The following HRH1 variants were observed in gnomAD, a reference collection of about 807,000 sequenced individuals.
The protein encoded by HRH1 is histamine receptor H1.
Under a neutral mutation model 10.3 loss-of-function variants are expected in HRH1, and 6 were observed. The observed-to-expected ratio is 0.58, with a 90% CI of 0.32 to 1.15. The LOEUF (loss-of-function observed/expected upper bound fraction) is 1.15, where lower values mean the gene tolerates loss of function less well. HRH1 is among the 50% of genes most tolerant of loss of function. HRH1 has a pLI of 0.05. For synonymous variants in HRH1, 242 were observed against 236.7 expected (o/e 1.02, Z -0.21); for missense variants, 514 against 615.3 (o/e 0.84, Z 1.74).
intron 1 of HRH1, among the ~76,000 whole-genome samples, chr3:11,235,721 G>A (rs888316679): frequency 6.6e-6 from 1 of 152,368 alleles, no homozygotes; most frequent in South Asian, 2.1e-4. Context: ...TGACAAGGGT[G>A]GAAGTCTTGG....
At chr3:11,167,120 AGGCCCGT>A (rs1937058398) in intron 1 of HRH1, among the ~76,000 whole-genome samples, 6 of 144,602 alleles carry the variant, frequency 4.1e-5, no homozygotes, top group African/African-American at 1.3e-4. Flanking sequence ...TGGATTCCCC[AGGCCCGT>A]GACATCTGCT....
chr3:11,196,828 G>C (rs565584421), intron 1 of HRH1, among the ~76,000 whole-genome samples: 52 of 151,860 alleles, frequency 3.4e-4, no homozygotes, highest in Admixed American at 3.9e-4. Flanking sequence ...GCAGAATCTC[G>C]TCCGGGCACG....
In HRH1 at chr3:11,167,749, T is replaced by G. The variant is rs143249205; in HGVS notation, c.-36+13195T>G. 1.1e-4 allele frequency among the ~76,000 whole-genome samples: 17 copies of G among 152,384 alleles called. No individual in the cohort carries two copies. In the East Asian group the frequency reaches 3.1e-3, roughly 28 times the overall value. On this transcript the variant is annotated intron_variant, in intron 1 of 1. Transcript: ENST00000431010. ...GCTGTAGGCTGCCCTGTAAATAGCC[T>G]GTGAATGATTGTGTTTGGGCAAGTG...
intron 1 of HRH1, among the ~76,000 whole-genome samples, chr3:11,241,338 C>T (rs965542842): frequency 6.6e-6 from 1 of 152,208 alleles, no homozygotes; most frequent in Non-Finnish European, 1.5e-5. Context: ...TGCTGGTGCT[C>T]TGTAATGATT....
intron 1 of HRH1, among the ~76,000 whole-genome samples, chr3:11,140,636 C>T (rs530891884): frequency 6.6e-6 from 1 of 152,242 alleles, no homozygotes; most frequent in South Asian, 2.1e-4. Flanking sequence ...TCAGAGGAGC[C>T]CTGCCTACCT....
At chr3:11,258,943 T>C (rs892614628) in intron 1 of HRH1, 60 bp from the exon 2 acceptor site, 1 of 1,204,224 alleles carries the variant, frequency 8.3e-7, no homozygotes, top group Non-Finnish European at 1.2e-6. Flanking sequence ...AACATCATGC[T>C]ACTAAGTGGC....
chr3:11,143,165 A>G (rs950519701), intron 1 of HRH1, among the ~76,000 whole-genome samples: 2 of 152,018 alleles, frequency 1.3e-5, no homozygotes, highest in African/African-American at 2.4e-5. Flanking sequence ...AGTTGCTTCT[A>G]AGTGGGGTGT....
chr3:11,155,992 C>A (rs567720447), intron 1 of HRH1, among the ~76,000 whole-genome samples: 1 of 152,248 alleles, frequency 6.6e-6, no homozygotes, highest in African/African-American at 2.4e-5. Flanking sequence ...GGTTTGAACA[C>A]CCATGTTGCC....
At chr3:11,203,697 G>C (rs184560569) in intron 1 of HRH1, among the ~76,000 whole-genome samples, 14 of 152,262 alleles carry the variant, frequency 9.2e-5, no homozygotes, top group African/African-American at 3.4e-4. Flanking sequence ...TCTGGATTCT[G>C]TTCCATTACT....
At chr3:11,233,896 G>A (rs78980419) in intron 1 of HRH1, among the ~76,000 whole-genome samples, 4,705 of 152,242 alleles carry the variant, frequency 0.031, 258 homozygotes, top group African/African-American at 0.1. Flanking sequence ...CTACTAAAAG[G>A]AATATAATGA....
intron 1 of HRH1, among the ~76,000 whole-genome samples, chr3:11,188,390 C>G (rs1263279813): frequency 6.6e-6 from 1 of 152,118 alleles, no homozygotes. Flanking sequence ...TCTCTTGAAG[C>G]CTGGAGTTCG....
At chr3:11,216,151 A>G (rs1938485586) in intron 1 of HRH1, among the ~76,000 whole-genome samples, 1 of 152,158 alleles carries the variant, frequency 6.6e-6, no homozygotes, top group Admixed American at 6.5e-5. Context: ...GGAAATGAAC[A>G]TTAAAAGAGC....
chr3:11,236,980 CTT>C (rs1340057243), intron 1 of HRH1, among the ~76,000 whole-genome samples: 2 of 151,724 alleles, frequency 1.3e-5, no homozygotes, highest in Non-Finnish European at 2.9e-5. Context: ...TCATCAATCA[CTT>C]TTTTTTTCCT....
intron 1 of HRH1, among the ~76,000 whole-genome samples, chr3:11,219,378 G>A (rs1938619237): frequency 6.6e-6 from 1 of 152,068 alleles, no homozygotes; most frequent in African/African-American, 2.4e-5. Context: ...ATGTAAAATG[G>A]TTAAAGTGGT....
intron 1 of HRH1, among the ~76,000 whole-genome samples, chr3:11,239,715 A>G (rs1939284612): frequency 2.0e-5 from 3 of 151,192 alleles, no homozygotes; most frequent in Admixed American, 6.6e-5. Context: ...TTGTTCCAGC[A>G]TATGAATTAT....
At chr3:11,164,694 G>C (rs1484020021) in intron 1 of HRH1, among the ~76,000 whole-genome samples, 1 of 152,160 alleles carries the variant, frequency 6.6e-6, no homozygotes, top group Non-Finnish European at 1.5e-5. Context: ...AAAATTTATA[G>C]CTTCTCCAAT....
intron 1 of HRH1, among the ~76,000 whole-genome samples, chr3:11,160,337 C>G (rs1936899211): frequency 6.6e-6 from 1 of 152,168 alleles, no homozygotes; most frequent in Non-Finnish European, 1.5e-5. Context: ...TAATAAAGTG[C>G]CAGGCACTGT....
intron 1 of HRH1, among the ~76,000 whole-genome samples, chr3:11,188,832 C>G (rs150711176): frequency 1.7e-3 from 260 of 152,256 alleles, no homozygotes; most frequent in African/African-American, 5.8e-3. Flanking sequence ...CGGCATCATC[C>G]TAATTTTAGA....
chr3:11,161,390 C>T (rs1056450241), intron 1 of HRH1, among the ~76,000 whole-genome samples: 1 of 152,206 alleles, frequency 6.6e-6, no homozygotes, highest in East Asian at 1.9e-4. Context: ...GAGAGAATCA[C>T]TAATCATCAT....
Sources: gnomAD v4.1 joint callset for allele counts (sites outside exome capture counted in the v4.1 genomes callset) on GRCh38, gnomAD v4.1.1 for gene constraint, MANE v1.5 for transcripts, NCBI Gene and HGNC (gene_info 2026-07-23, HGNC 2026-07-21) for gene names.